The following SLC22A3 variants were observed in gnomAD, a reference collection of about 807,000 sequenced individuals.
SLC22A3 encodes solute carrier family 22 member 3.
In SLC22A3, 51 loss-of-function variants were observed where a neutral mutation model predicts 59.1. The observed-to-expected ratio is 0.86, with a 90% CI of 0.69 to 1.09. SLC22A3 has a LOEUF of 1.09. Among genes scored for constraint, SLC22A3 ranks in the 50% least tolerant of loss-of-function variants. The pLI is 0.00. For synonymous variants in SLC22A3, 325 were observed against 292.0 expected (o/e 1.11, Z -1.15); for missense variants, 711 against 726.3 (o/e 0.98, Z 0.24).
chr6:160,392,292 C>G (rs1411800806), intron 1 of SLC22A3, among the ~76,000 whole-genome samples: 1 of 152,152 alleles, frequency 6.6e-6, no homozygotes, highest in Non-Finnish European at 1.5e-5. Flanking sequence ...TACCTAAATC[C>G]AGCTCATTGT....
intron 5 of SLC22A3, among the ~76,000 whole-genome samples, chr6:160,430,303 T>TA (rs1788103986): frequency 6.6e-6 from 1 of 152,216 alleles, no homozygotes; most frequent in East Asian, 1.9e-4. Flanking sequence ...AACATGCTAG[T>TA]AAAAAAATGT....
intron 5 of SLC22A3, among the ~76,000 whole-genome samples, chr6:160,430,567 G>A (rs1011690511): frequency 5.9e-5 from 9 of 152,178 alleles, no homozygotes; most frequent in African/African-American, 1.9e-4. Flanking sequence ...CATAATTGTT[G>A]ATGGAAAACA....
intron 7 of SLC22A3, among the ~76,000 whole-genome samples, chr6:160,441,492 C>T (rs1788537880): frequency 6.6e-6 from 1 of 152,104 alleles, no homozygotes; most frequent in Non-Finnish European, 1.5e-5. Context: ...ATGTCCTTGG[C>T]CAGTTTGCAG....
At chr6:160,362,424 T>C (rs1368153147) in intron 1 of SLC22A3, among the ~76,000 whole-genome samples, 1 of 152,164 alleles carries the variant, frequency 6.6e-6, no homozygotes. Flanking sequence ...GACTCTGCTC[T>C]GGCAGTTTTA....
At chr6:160,365,038 A>AT (rs968886496) in intron 1 of SLC22A3, among the ~76,000 whole-genome samples, 7 of 149,864 alleles carry the variant, frequency 4.7e-5, no homozygotes, top group Admixed American at 2.6e-4. Flanking sequence ...AAAATCAATA[A>AT]TTTTTTTTAC....
intron 5 of SLC22A3, chr6:160,425,816 G>A: frequency 1.0e-6 from 1 of 985,224 alleles, no homozygotes; most frequent in Non-Finnish European, 1.2e-6. Context: ...GTTCAAAGTT[G>A]AATAAATAGT....
chr6:160,381,765 A>T (rs1163822427), intron 1 of SLC22A3, among the ~76,000 whole-genome samples: 1 of 152,118 alleles, frequency 6.6e-6, no homozygotes, highest in South Asian at 2.1e-4. Context: ...GGAACTGAAA[A>T]CCTACTTAGG....
At chr6:160,392,161 T>A (rs942521070) in intron 1 of SLC22A3, among the ~76,000 whole-genome samples, 10 of 152,102 alleles carry the variant, frequency 6.6e-5, no homozygotes, top group African/African-American at 2.4e-4. Context: ...CTGCCCAGCT[T>A]AAAACAGTGT....
intron 4 of SLC22A3, among the ~76,000 whole-genome samples, chr6:160,410,342 C>T (rs1787195391): frequency 6.6e-6 from 1 of 152,200 alleles, no homozygotes; most frequent in Non-Finnish European, 1.5e-5. Context: ...TTGGAATGAA[C>T]ATGTTTTAAT....
At chr6:160,410,877 T>C (rs1166388810) in intron 5 of SLC22A3, 31 bp downstream of exon 5, 1 of 1,324,808 alleles carries the variant, frequency 7.5e-7, no homozygotes, top group East Asian at 2.3e-5. Context: ...TAACAAATAT[T>C]GCTAAAGCTG....
intron 1 of SLC22A3, among the ~76,000 whole-genome samples, chr6:160,359,426 C>T (rs907599403): frequency 3.3e-5 from 5 of 152,202 alleles, no homozygotes; most frequent in African/African-American, 9.7e-5. Context: ...GTTATCAATA[C>T]TCACTTCCTG....
chr6:160,427,220 A>T (rs1277390789), intron 5 of SLC22A3, among the ~76,000 whole-genome samples: 1 of 152,138 alleles, frequency 6.6e-6, no homozygotes, highest in Non-Finnish European at 1.5e-5. Context: ...TGCCAAGAAA[A>T]CGTGCAGGAA....
intron 5 of SLC22A3, among the ~76,000 whole-genome samples, chr6:160,414,694 G>T (rs1787397254): frequency 4.6e-5 from 7 of 152,120 alleles, no homozygotes; most frequent in Admixed American, 4.6e-4. Flanking sequence ...AAAGGGGAAA[G>T]CCCCTTATAA....
At chr6:160,370,018 A>T (rs115813447) in intron 1 of SLC22A3, among the ~76,000 whole-genome samples, 2,881 of 152,310 alleles carry the variant, frequency 0.019, 87 homozygotes, top group African/African-American at 0.065. Flanking sequence ...TAGCTGCAAC[A>T]ACTGCACATG....
chr6:160,382,580 C>A (rs1785838049), intron 1 of SLC22A3, among the ~76,000 whole-genome samples: 1 of 152,160 alleles, frequency 6.6e-6, no homozygotes, highest in African/African-American at 2.4e-5. Context: ...GCTGCAGTGA[C>A]TATTATCTAC....
At chr6:160,399,159 T>A (rs752592531) in intron 2 of SLC22A3, among the ~76,000 whole-genome samples, 19 of 152,154 alleles carry the variant, frequency 1.2e-4, no homozygotes, top group Non-Finnish European at 1.9e-4. Flanking sequence ...TCTCCACAGC[T>A]GTCCTTTGCA....
chr6:160,441,243 C>G (rs753023130), intron 7 of SLC22A3, among the ~76,000 whole-genome samples: 2 of 152,104 alleles, frequency 1.3e-5, no homozygotes, highest in Non-Finnish European at 2.9e-5. Flanking sequence ...CTTTCCCCTT[C>G]CAGTACCACA....
chr6:160,403,900 A>T (rs1786896230), intron 2 of SLC22A3, among the ~76,000 whole-genome samples: 1 of 152,096 alleles, frequency 6.6e-6, no homozygotes, highest in East Asian at 1.9e-4. Context: ...AACTAGAAAT[A>T]TAGGGGAACT....
chr6:160,385,098 C>T (rs1461815541), intron 1 of SLC22A3, among the ~76,000 whole-genome samples: 3 of 152,190 alleles, frequency 2.0e-5, no homozygotes, highest in Non-Finnish European at 2.9e-5. Context: ...GCTCCTTTTT[C>T]ATGATTAATT....
Sources: gnomAD v4.1 joint callset for allele counts (sites outside exome capture counted in the v4.1 genomes callset) on GRCh38, gnomAD v4.1.1 for gene constraint, MANE v1.5 for transcripts, NCBI Gene and HGNC (gene_info 2026-07-23, HGNC 2026-07-21) for gene names.